The following LAX1 variants were observed in gnomAD, a reference collection of about 807,000 sequenced individuals.
The protein encoded by LAX1 is lymphocyte transmembrane adapter 1.
A neutral mutation model predicts 20.7 loss-of-function variants in LAX1; 17 were observed. The observed-to-expected ratio is 0.82, with a 90% CI of 0.56 to 1.23. The LOEUF (loss-of-function observed/expected upper bound fraction) is 1.23. Ranked by LOEUF, LAX1 falls within the 50% of genes most tolerant of loss-of-function variation. The probability of loss-of-function intolerance (pLI) is 0.00; values close to 1 mark genes in which losing one functional copy is unlikely to be tolerated. For synonymous variants in LAX1, 165 were observed against 181.0 expected, an observed-to-expected ratio of 0.91 and a Z score of 0.71; for missense variants, 470 against 487.0, an observed-to-expected ratio of 0.97 and a Z score of 0.33.
rs747575602 is a variant in LAX1 at position 203,770,938 on chromosome 1, G to C, written c.199+1G>C. 1 of 1,605,414 alleles carries C rather than the reference G, an allele frequency of 6.2e-7. No homozygotes were observed. Among genetic ancestry groups the C allele is most frequent in the Non-Finnish European group, 8.5e-7 (1 of 1,172,004 alleles). ...TGGAATTGGAATAAACGGAAGAAGC[G>C]TGAGTCCCTTGTTTGTCCTGAGTTG... On this transcript the variant is annotated splice_donor_variant, in intron 2 of 4. Transcript: ENST00000442561. LOFTEE classifies it high-confidence loss of function.
Position 203,774,624 on chromosome 1 carries a change from G to C in LAX1, c.1140G>C (p.Lys380Asn). 1 of 1,614,230 alleles carries C rather than the reference G, an allele frequency of 6.2e-7. No individual in the cohort carries two copies. The highest frequency in any genetic ancestry group is 8.5e-7 in the Non-Finnish European group (1 of 1,180,042). ...SSDYENVLTAKLGGRDSEQGP... is the reference protein window; with the variant it reads ...SSDYENVLTANLGGRDSEQGP... ...ACTATGAAAATGTGCTAACTGCCAA[G>C]TTAGGAGGCAGGGACTCTGAGCAGG... is the stretch of plus-strand genomic sequence containing the variant. The change falls in exon 5 of 5, where the codon AAG becomes AAC. Residue 380 changes from lysine to asparagine, a missense_variant. Coordinates refer to ENST00000442561, the MANE Select transcript of LAX1 (RefSeq NM_017773.4).
chr1:203,772,778 C>A (rs112543349), intron 4 of LAX1, among the ~76,000 whole-genome samples: 2,773 of 149,304 alleles, frequency 0.019, 83 homozygotes, highest in African/African-American at 0.065. Flanking sequence ...TGGGCTCAAG[C>A]AATCCTCCCA....
chr1:203,767,303 CTTTTTTTTTTTTTTT>C (rs755164305), intron 1 of LAX1, among the ~76,000 whole-genome samples: 2 of 90,450 alleles, frequency 2.2e-5, no homozygotes, highest in African/African-American at 9.4e-5. Flanking sequence ...CTCTCCACTT[CTTTTTTTTTTTTTTT>C]TTTTTTGAGA....
At chr1:203,769,844 C>T (rs899010624) in intron 1 of LAX1, 1 of 152,104 alleles carries the variant, frequency 6.6e-6, no homozygotes, top group Admixed American at 6.6e-5. Flanking sequence ...CACAGAGCCA[C>T]TCCTTAACTG....
At position 203,765,471 on chromosome 1, in the gene LAX1, G is replaced by T; in HGVS notation, c.-95G>T. Reference sequence around the variant, plus strand: ...CACGAGATAGGGAGTTTGTTGCGGGGGTGGGGAGAAGTGGTAGACATGCTG... The same window carrying T: ...CACGAGATAGGGAGTTTGTTGCGGGTGTGGGGAGAAGTGGTAGACATGCTG... On this transcript the variant is annotated 5_prime_UTR_variant, in exon 1 of 5. Transcript: ENST00000442561. 6.4e-7 allele frequency: 1 copy of T among 1,572,846 alleles called. No individual in the cohort carries two copies. The highest frequency in any genetic ancestry group is 8.6e-7 in the Non-Finnish European group (1 of 1,156,860).
chr1:203,765,311 T>C lies in LAX1; in HGVS notation c.-255T>C, dbSNP rs1667286438. The C allele has an allele frequency of 1.3e-6, 2 of 1,547,974 alleles. No homozygotes were observed. Among genetic ancestry groups the C allele is most frequent in the East Asian group, 4.9e-5 (2 of 40,894 alleles). ...GAAGGCAGAGGCCACAGATTCTCCC[T>C]GAGCCACCTCACTTGGAAGCACCAT... is the stretch of plus-strand genomic sequence containing the variant. On this transcript the variant is annotated 5_prime_UTR_variant, in exon 1 of 5. Coordinates refer to ENST00000442561, the MANE Select transcript of LAX1 (RefSeq NM_017773.4).
intron 1 of LAX1, among the ~76,000 whole-genome samples, chr1:203,770,508 AGG>A (rs1241382281): frequency 1.3e-4 from 14 of 109,606 alleles, no homozygotes; most frequent in African/African-American, 5.0e-4. Flanking sequence ...GAAGGAAGGA[AGG>A]AAGAAAGAAA....
intron 1 of LAX1, 22 bp downstream of exon 1, chr1:203,765,676 G>C: frequency 6.2e-7 from 1 of 1,609,482 alleles, no homozygotes. Context: ...AGGGTGGTGA[G>C]CTCCACCCTG....
chr1:203,771,340 A>G (rs765311744), intron 2 of LAX1, 27 bp from the exon 3 acceptor site: 1 of 1,380,046 alleles, frequency 7.2e-7, no homozygotes, highest in Non-Finnish European at 1.0e-6. Context: ...CCCCGCCATG[A>G]CTCCCATCTC....
chr1:203,772,471 A>C (rs1373671767), intron 4 of LAX1, among the ~76,000 whole-genome samples: 2 of 152,134 alleles, frequency 1.3e-5, no homozygotes, highest in Non-Finnish European at 2.9e-5. Context: ...TCTGTCACCC[A>C]GGCTGGAGTG....
Position 203,774,282 on chromosome 1 carries a change from T to C in LAX1, c.798T>C (p.Asn266=), listed in dbSNP as rs2102271020. 6.2e-7 allele frequency: 1 copy of C among 1,614,072 alleles called. No homozygotes were observed. Among genetic ancestry groups the C allele is most frequent in the Non-Finnish European group, 8.5e-7 (1 of 1,179,920 alleles). Residue 266 remains asparagine, a synonymous_variant, in exon 5 of 5, where the codon AAT becomes AAC. Transcript: ENST00000442561. ...GAGAAGGTTCTTCTCAGATCTCAAATGACTATGTCAACATGACAGGGTTGG... is the reference window on the plus strand; with the variant it reads ...GAGAAGGTTCTTCTCAGATCTCAAACGACTATGTCAACATGACAGGGTTGG... The part of the protein sequence containing the change: ...SNGEGSSQIS[N]DYVNMTGLDL...
rs1420804844 is a variant in LAX1 at position 203,775,182 on chromosome 1, T to G, written c.*501T>G. ...TGGTAGGCCGAGGAGGGCAGATCAC[T>G]TGGTGCCAGGAGTTCTAGACCAGCC... On this transcript the variant is annotated 3_prime_UTR_variant, in exon 5 of 5. Transcript: ENST00000442561. The G allele has an allele frequency of 6.4e-6, 1 of 155,688 alleles. No homozygotes were observed. The highest frequency in any genetic ancestry group is 1.4e-5 in the Non-Finnish European group (1 of 70,452). 9.6% of individuals were successfully genotyped at this position (155,688 alleles called of 1,614,324 possible). A position where few individuals can be genotyped will look rare whatever the true frequency, so the allele number is the denominator to read the frequency against.
chr1:203,767,760 G>T (rs1268038073), intron 1 of LAX1, among the ~76,000 whole-genome samples: 2 of 152,140 alleles, frequency 1.3e-5, no homozygotes, highest in African/African-American at 2.4e-5. Context: ...ACCAAGCACT[G>T]TTTAAGGCAC....
At chr1:203,770,469 G>GA (rs1558070721) in intron 1 of LAX1, among the ~76,000 whole-genome samples, 332 of 18,172 alleles carry the variant, frequency 0.018, 69 homozygotes, top group South Asian at 0.038. Context: ...AAGGAAGGAA[G>GA]GAAGGAAGGA....
At chr1:203,769,163 C>T (rs562621990) in intron 1 of LAX1, among the ~76,000 whole-genome samples, 53 of 151,612 alleles carry the variant, frequency 3.5e-4, no homozygotes, top group Non-Finnish European at 6.2e-4. Flanking sequence ...CTGAGGCAGG[C>T]GGATCATTTG....
intron 1 of LAX1, among the ~76,000 whole-genome samples, chr1:203,769,444 G>GAAAGAAAGAAAGAAAGAAAGAAA (rs1553254225): frequency 3.0e-5 from 4 of 133,506 alleles, no homozygotes; most frequent in African/African-American, 8.7e-5. Flanking sequence ...AAAGAAAGAA[G>GAAAGAAAGAAAGAAAGAAAGAAA]GAAAGAAAGA....
At chr1:203,770,335 G>A (rs991693359) in intron 1 of LAX1, among the ~76,000 whole-genome samples, 2 of 146,470 alleles carry the variant, frequency 1.4e-5, no homozygotes, top group Non-Finnish European at 3.1e-5. Context: ...AGAATGGCTT[G>A]AACCCAGGAG....
chr1:203,774,321 C>G lies in LAX1; in HGVS notation c.837C>G (p.Ile279Met). 8 of 1,614,132 alleles carry G rather than the reference C, an allele frequency of 5.0e-6. No homozygotes were observed. Among genetic ancestry groups the G allele is most frequent in the Non-Finnish European group, 6.8e-6 (8 of 1,180,026 alleles). Residue 279 changes from isoleucine to methionine, a missense_variant, in exon 5 of 5, where the codon ATC becomes ATG. Ile to Met is a conservative substitution (Grantham distance 10). Transcript: ENST00000442561. ...TGACAGGGTTGGATCTCAGTGCCAT[C>G]CAGGAAAGGCAGCTCTGGGTGGCTT... ...VNMTGLDLSA[I>M]QERQLWVAFQ...
rs1667492414 is a variant in LAX1, at chr1:203,775,267, C to T, written c.*586C>T. Reference sequence around the variant, plus strand: ...AAATTAGCCAGGCGTGGTGGTGTGCCCCTGTAATCCCAGCTACTCAGGAGG... The same window carrying T: ...AAATTAGCCAGGCGTGGTGGTGTGCTCCTGTAATCCCAGCTACTCAGGAGG... On this transcript the variant is annotated 3_prime_UTR_variant, in exon 5 of 5. Coordinates refer to ENST00000442561, the MANE Select transcript of LAX1 (RefSeq NM_017773.4). 1 of 152,336 alleles carries T rather than the reference C, an allele frequency of 6.6e-6. No individual in the cohort carries two copies. The highest frequency in any genetic ancestry group is 2.4e-5 in the African/African-American group (1 of 41,314). The allele number at this position is 152,336 out of a possible 1,614,324, so 9.4% of individuals were successfully genotyped here. A position where few individuals can be genotyped will look rare whatever the true frequency, so the allele number is the denominator to read the frequency against.
Sources: gnomAD v4.1 joint callset for allele counts (sites outside exome capture counted in the v4.1 genomes callset) on GRCh38, gnomAD v4.1.1 for gene constraint, MANE v1.5 for transcripts, NCBI Gene and HGNC (gene_info 2026-07-23, HGNC 2026-07-21) for gene names.